GAS2: variants seen among roughly 807,000 people sequenced by gnomAD.
GAS2 encodes growth arrest specific 2, also known as growth arrest-specific protein 2.
In GAS2, 20 loss-of-function variants were observed where a neutral mutation model predicts 37.5. That is an observed-to-expected ratio of 0.53 (90% CI 0.37 to 0.77). The LOEUF (loss-of-function observed/expected upper bound fraction) is 0.77. Ranked by LOEUF, GAS2 falls within the 30% of genes least tolerant of loss-of-function variation. The probability of loss-of-function intolerance (pLI) is 0.00; values close to 1 mark genes in which losing one functional copy is unlikely to be tolerated. For missense variants in GAS2, 336 were observed against 373.4 expected, an observed-to-expected ratio of 0.90 and a Z score of 0.82; for synonymous variants, 144 against 132.2, an observed-to-expected ratio of 1.09 and a Z score of -0.61.
intron 3 of GAS2, among the ~76,000 whole-genome samples, chr11:22,703,313 A>G (rs1384294346): frequency 6.6e-6 from 1 of 152,138 alleles, no homozygotes; most frequent in African/African-American, 2.4e-5. Context: ...AACTGTTTTC[A>G]TGATATTTGA....
chr11:22,800,190 C>G (rs539640315), intron 7 of GAS2, among the ~76,000 whole-genome samples: 1 of 152,070 alleles, frequency 6.6e-6, no homozygotes, highest in South Asian at 2.1e-4. Context: ...CTATAAAGTG[C>G]TTTGCGAGCC....
intron 2 of GAS2, among the ~76,000 whole-genome samples, chr11:22,682,167 T>TA (rs1454137011): frequency 6.6e-6 from 1 of 152,158 alleles, no homozygotes; most frequent in East Asian, 1.9e-4. Flanking sequence ...TTTCATTAGA[T>TA]ACAGATGTTC....
At chr11:22,723,062 T>C (rs1348615017) in intron 3 of GAS2, among the ~76,000 whole-genome samples, 2 of 151,840 alleles carry the variant, frequency 1.3e-5, no homozygotes, top group Non-Finnish European at 2.9e-5. Context: ...CTAATGAGTG[T>C]GACTTAAAAA....
intron 7 of GAS2, among the ~76,000 whole-genome samples, chr11:22,779,401 G>T (rs977472420): frequency 6.6e-6 from 1 of 152,128 alleles, no homozygotes; most frequent in Non-Finnish European, 1.5e-5. Context: ...AGGGCCTTTT[G>T]AAATACAATG....
chr11:22,778,108 C>A (rs1335070305), intron 7 of GAS2, among the ~76,000 whole-genome samples: 3 of 152,078 alleles, frequency 2.0e-5, no homozygotes, highest in Admixed American at 2.0e-4. Context: ...TTACTCCTCC[C>A]CTAGAAAAAA....
rs201918939 is a variant in GAS2 at position 22,789,303 on chromosome 11, T to TAC, written c.724-22467_724-22466dup. On this transcript the variant is annotated intron_variant, in intron 7 of 7. Coordinates refer to ENST00000454584, the MANE Select transcript of GAS2 (RefSeq NM_001143830.3). ...TTTCATATATATATATATATATATA[T>TAC]ACACACACACACACACACACACACA... Among the ~76,000 whole-genome samples the TAC allele has an allele frequency of 2.3e-3, 258 of 111,118 alleles. 1 individual carries two copies. The highest frequency in any genetic ancestry group is 2.7e-3 in the South Asian group (9 of 3,368). 72.9% of individuals were successfully genotyped at this position (111,118 alleles called of 152,430 possible).
intron 1 of GAS2, among the ~76,000 whole-genome samples, chr11:22,654,396 C>T (rs987733993): frequency 6.6e-6 from 1 of 151,310 alleles, no homozygotes; most frequent in Admixed American, 6.6e-5. Context: ...TTCCTTCTTT[C>T]CTTCTTTTTT....
In GAS2 at chr11:22,779,988, C is replaced by T. The variant is rs558173605; in HGVS notation, c.723+24035C>T. ...TTGCTGTGTTTTCTTCCATTCTTTA[C>T]GCTTTTGACCTTAAGAGTTGACTCG... On this transcript the variant is annotated intron_variant, in intron 7 of 7. Transcript: ENST00000454584. 1.1e-3 allele frequency among the ~76,000 whole-genome samples: 173 copies of T among 152,300 alleles called. 3 individuals carry two copies. In the South Asian group the frequency reaches 0.023, roughly 20 times the overall value.
chr11:22,700,925 A>G (rs752340933), intron 3 of GAS2, among the ~76,000 whole-genome samples: 19 of 152,204 alleles, frequency 1.2e-4, no homozygotes, highest in Non-Finnish European at 1.9e-4. Flanking sequence ...AGACATAAAG[A>G]TGAAATCATT....
At chr11:22,767,117 A>G (rs1201137613) in intron 7 of GAS2, among the ~76,000 whole-genome samples, 1 of 152,096 alleles carries the variant, frequency 6.6e-6, no homozygotes, top group Non-Finnish European at 1.5e-5. Flanking sequence ...TTGTTTGTAA[A>G]GTACTTTCAT....
intron 7 of GAS2, among the ~76,000 whole-genome samples, chr11:22,780,543 G>A (rs1419355005): frequency 1.8e-5 from 2 of 113,468 alleles, no homozygotes; most frequent in Non-Finnish European, 1.7e-5. Flanking sequence ...GGGCAACAGA[G>A]CAAGACTCTG....
chr11:22,765,097 C>T (rs111449194), intron 7 of GAS2, among the ~76,000 whole-genome samples: 5,585 of 152,156 alleles, frequency 0.037, 133 homozygotes, highest in South Asian at 0.071. Flanking sequence ...TCTGCATTCC[C>T]GATTTCTGCA....
At chr11:22,639,933 A>T (rs1487452870) in intron 1 of GAS2, among the ~76,000 whole-genome samples, 1 of 152,132 alleles carries the variant, frequency 6.6e-6, no homozygotes, top group Admixed American at 6.6e-5. Flanking sequence ...ACTGAGATGG[A>T]AAGAGGTCTG....
At chr11:22,627,431 G>C (rs1197550250) in intron 1 of GAS2, among the ~76,000 whole-genome samples, 2 of 152,082 alleles carry the variant, frequency 1.3e-5, no homozygotes, top group Non-Finnish European at 2.9e-5. Flanking sequence ...AATTGAGTGG[G>C]GTCACCAAGT....
chr11:22,683,137 G>T (rs115708497), intron 2 of GAS2, among the ~76,000 whole-genome samples: 4,986 of 148,982 alleles, frequency 0.033, 80 homozygotes, highest in Middle Eastern at 0.083. Flanking sequence ...AAAGTAATTT[G>T]TTTTCCTTAA....
intron 7 of GAS2, among the ~76,000 whole-genome samples, chr11:22,767,613 A>T (rs1207447177): frequency 1.3e-5 from 2 of 152,322 alleles, no homozygotes; most frequent in East Asian, 3.9e-4. Flanking sequence ...GTTCTTGAAT[A>T]ACTGATGAGT....
chr11:22,691,224 GAAAGAAC>G (rs1850232778), intron 3 of GAS2, among the ~76,000 whole-genome samples: 1 of 152,162 alleles, frequency 6.6e-6, no homozygotes, highest in Admixed American at 6.6e-5. Context: ...TTGTTCAGGA[GAAAGAAC>G]ATCCTGCAGA....
chr11:22,653,505 C>G (rs1263309526), intron 1 of GAS2, among the ~76,000 whole-genome samples: 1 of 152,168 alleles, frequency 6.6e-6, no homozygotes, highest in South Asian at 2.1e-4. Context: ...TTTTTAATCA[C>G]TTCCAGATCT....
At chr11:22,710,766 G>C (rs10833802) in intron 3 of GAS2, among the ~76,000 whole-genome samples, 92,997 of 151,990 alleles carry the variant, frequency 0.61, 33,487 homozygotes, top group Non-Finnish European at 0.8. Context: ...TCACTCAGCT[G>C]TGACTTAAGG....
Sources: gnomAD v4.1 joint callset for allele counts (sites outside exome capture counted in the v4.1 genomes callset) on GRCh38, gnomAD v4.1.1 for gene constraint, MANE v1.5 for transcripts, NCBI Gene and HGNC (gene_info 2026-07-23, HGNC 2026-07-21) for gene names.